DPP10: variants seen among roughly 807,000 people sequenced by gnomAD.
DPP10 encodes inactive dipeptidyl peptidase 10.
Under a neutral mutation model 120.9 loss-of-function variants are expected in DPP10, and 33 were observed. The observed-to-expected ratio is 0.27, with a 90% confidence interval of 0.21 to 0.37. The LOEUF (loss-of-function observed/expected upper bound fraction) is 0.37, where lower values mean the gene tolerates loss of function less well. Among genes scored for constraint, DPP10 ranks in the 10% least tolerant of loss-of-function variants. DPP10 has a pLI of 1.00. For synonymous variants in DPP10, 337 were observed against 326.1 expected (o/e 1.03, Z -0.36); for missense variants, 816 against 942.8 (o/e 0.87, Z 1.76).
chr2:115,595,527 C>G (rs1472585739), intron 5 of DPP10, among the ~76,000 whole-genome samples: 1 of 152,092 alleles, frequency 6.6e-6, no homozygotes, highest in Non-Finnish European at 1.5e-5. Context: ...CACAAAGGCC[C>G]TGATTCTGGC....
intron 5 of DPP10, among the ~76,000 whole-genome samples, chr2:115,572,374 G>A (rs1050096597): frequency 1.3e-5 from 2 of 151,984 alleles, no homozygotes; most frequent in Non-Finnish European, 1.5e-5. Flanking sequence ...AAAAAGTTAT[G>A]TTTTTCAAAC....
intron 1 of DPP10, among the ~76,000 whole-genome samples, chr2:114,751,720 G>A (rs1243068511): frequency 6.6e-6 from 1 of 152,130 alleles, no homozygotes; most frequent in African/African-American, 2.4e-5. Flanking sequence ...CCTCTCTCCA[G>A]GTTTCAATCT....
chr2:115,195,629 A>G (rs1262571542), intron 1 of DPP10, among the ~76,000 whole-genome samples: 2 of 152,168 alleles, frequency 1.3e-5, no homozygotes, highest in African/African-American at 4.8e-5. Context: ...AGAAATTATT[A>G]TTACTTTTTT....
chr2:115,356,138 A>G (rs2064370303), intron 3 of DPP10, among the ~76,000 whole-genome samples: 1 of 152,162 alleles, frequency 6.6e-6, no homozygotes. Flanking sequence ...TCTATAAATT[A>G]CTTTGGGCAA....
intron 5 of DPP10, among the ~76,000 whole-genome samples, chr2:115,662,749 A>G (rs1025659208): frequency 3.3e-5 from 5 of 152,174 alleles, no homozygotes; most frequent in African/African-American, 1.2e-4. Flanking sequence ...ATTAGGTAAA[A>G]TCCAATATTG....
intron 1 of DPP10, among the ~76,000 whole-genome samples, chr2:115,140,917 G>T (rs1299759620): frequency 8.8e-6 from 1 of 113,006 alleles, no homozygotes; most frequent in African/African-American, 3.6e-5. Context: ...GATGTGACAT[G>T]CTTATCTTGA....
chr2:115,842,162 C>T (rs1559230675), intron 25 of DPP10, 49 bp from the exon 26 acceptor site: 9 of 1,521,152 alleles, frequency 5.9e-6, no homozygotes, highest in Non-Finnish European at 8.0e-6. Context: ...ATGCGAGAGA[C>T]AATAGCTTCT....
intron 11 of DPP10, among the ~76,000 whole-genome samples, chr2:115,756,281 T>A (rs1381186445): frequency 6.6e-6 from 1 of 152,112 alleles, no homozygotes; most frequent in Non-Finnish European, 1.5e-5. Context: ...AGGTTGAATG[T>A]GGTTAATAAT....
chr2:115,592,433 C>G (rs975382156), intron 5 of DPP10, among the ~76,000 whole-genome samples: 1 of 151,868 alleles, frequency 6.6e-6, no homozygotes, highest in East Asian at 1.9e-4. Flanking sequence ...GAAAGGCATA[C>G]AAAAGGCCTT....
At chr2:114,762,692 G>A (rs1310413934) in intron 1 of DPP10, among the ~76,000 whole-genome samples, 2 of 152,168 alleles carry the variant, frequency 1.3e-5, no homozygotes, top group East Asian at 3.8e-4. Context: ...AATGCTATGA[G>A]GCAGCATCAG....
At chr2:114,579,288 C>T (rs1025218237) in intron 1 of DPP10, among the ~76,000 whole-genome samples, 2 of 152,170 alleles carry the variant, frequency 1.3e-5, no homozygotes, top group African/African-American at 4.8e-5. Flanking sequence ...GTGGAGTGAA[C>T]TGCTCAGCGC....
At chr2:115,417,810 T>C (rs1034650270) in intron 3 of DPP10, among the ~76,000 whole-genome samples, 2 of 152,238 alleles carry the variant, frequency 1.3e-5, no homozygotes, top group Non-Finnish European at 2.9e-5. Flanking sequence ...AAAACATTTG[T>C]CTTTTCCAAG....
At chr2:115,453,229 A>C (rs2073257992) in intron 3 of DPP10, among the ~76,000 whole-genome samples, 1 of 151,486 alleles carries the variant, frequency 6.6e-6, no homozygotes, top group South Asian at 2.1e-4. Context: ...TTTTAACTCA[A>C]ATTCTTCTTA....
chr2:114,897,505 A>C (rs1297650530), intron 1 of DPP10, among the ~76,000 whole-genome samples: 1 of 152,228 alleles, frequency 6.6e-6, no homozygotes, highest in African/African-American at 2.4e-5. Flanking sequence ...ATGTGATCTA[A>C]TTAAACTAAA....
intron 7 of DPP10, among the ~76,000 whole-genome samples, chr2:115,690,911 T>A (rs530675029): frequency 8.5e-5 from 13 of 152,292 alleles, no homozygotes; most frequent in Admixed American, 6.5e-4. Flanking sequence ...TGGTTCCATA[T>A]CCTTGCCAAC....
intron 1 of DPP10, among the ~76,000 whole-genome samples, chr2:115,272,000 A>G (rs1442563232): frequency 3.9e-5 from 6 of 152,202 alleles, no homozygotes; most frequent in African/African-American, 1.4e-4. Flanking sequence ...ATATGAGCAT[A>G]CATATTCAGC....
At chr2:115,679,558 T>C (rs554030153) in intron 5 of DPP10, among the ~76,000 whole-genome samples, 2 of 152,276 alleles carry the variant, frequency 1.3e-5, no homozygotes, top group Non-Finnish European at 2.9e-5. Flanking sequence ...TATTTCTTCA[T>C]AGAAGTGTGA....
chr2:115,237,041 A>G (rs2058040026), intron 1 of DPP10, among the ~76,000 whole-genome samples: 1 of 151,244 alleles, frequency 6.6e-6, no homozygotes, highest in Non-Finnish European at 1.5e-5. Context: ...CAATAATAAT[A>G]TAACTTTTCC....
rs920382053 is a variant in DPP10, at chr2:115,285,678, T to G, written c.61-23561T>G. Among the ~76,000 whole-genome samples, 5 of 152,088 alleles carry G rather than the reference T, an allele frequency of 3.3e-5. No individual in the cohort carries two copies. In the East Asian group the frequency reaches 9.7e-4, roughly 29 times the overall value. On this transcript the variant is annotated intron_variant, in intron 1 of 25. Transcript: ENST00000410059. ...CTCCTTTCTGGCTTTCTCTTTTTGC[T>G]AAGAATGGAAAAAGAGAAGGCCTTG...
Sources: allele counts gnomAD v4.1 joint callset (sites outside exome capture counted in the v4.1 genomes callset), GRCh38; gene constraint gnomAD v4.1.1; transcripts MANE v1.5; gene names NCBI Gene and HGNC (gene_info 2026-07-23, HGNC 2026-07-21).